Variants in DTHD1 observed in about 807,000 individuals in gnomAD.
The protein encoded by DTHD1 is death domain containing 1, also known as death domain-containing protein 1.
A neutral mutation model predicts 74.8 loss-of-function variants in DTHD1; 59 were observed. The observed-to-expected ratio is 0.79, with a 90% CI of 0.64 to 0.98. The LOEUF is 0.98. DTHD1 is among the 50% of genes least tolerant of loss of function. DTHD1 has a pLI of 0.00. For missense variants in DTHD1, 1,051 were observed against 1,065.4 expected (o/e 0.99, Z 0.19); for synonymous variants, 365 against 371.1 (o/e 0.98, Z 0.19).
intron 5 of DTHD1, among the ~76,000 whole-genome samples, chr4:36,297,820 C>T (rs1756525430): frequency 6.6e-6 from 1 of 152,116 alleles, no homozygotes; most frequent in African/African-American, 2.4e-5. Context: ...ATCAATTCCT[C>T]GAGTTCCCTA....
chr4:36,339,078 C>T, intron 8 of DTHD1, 34 bp from the exon 9 acceptor site: 1 of 1,502,816 alleles, frequency 6.7e-7, no homozygotes, highest in African/African-American at 1.4e-5. Context: ...TTAATTACTT[C>T]TTCTGTTTAT....
At chr4:36,320,888 AT>A (rs1485260319) in intron 8 of DTHD1, among the ~76,000 whole-genome samples, 2 of 152,224 alleles carry the variant, frequency 1.3e-5, no homozygotes, top group East Asian at 3.8e-4. Context: ...AGGTGAAGGT[AT>A]TTGTCAAAAT....
intron 7 of DTHD1, among the ~76,000 whole-genome samples, chr4:36,312,585 TA>T (rs56071138): frequency 0.59 from 85,979 of 144,770 alleles, 25,524 homozygotes; most frequent in African/African-American, 0.72. Context: ...AAGGTGACAT[TA>T]AAAAAAAAAA....
chr4:36,314,511 C>CA (rs35806275), intron 7 of DTHD1, among the ~76,000 whole-genome samples: 30,808 of 74,444 alleles, frequency 0.41, 4,940 homozygotes, highest in Non-Finnish European at 0.5. Flanking sequence ...CCCGTCTCTA[C>CA]AAAAAAAAAA....
chr4:36,328,306 C>G (rs1459955996), intron 8 of DTHD1, among the ~76,000 whole-genome samples: 1 of 152,220 alleles, frequency 6.6e-6, no homozygotes, highest in African/African-American at 2.4e-5. Context: ...CCAGACCTCT[C>G]TATGTGGAGG....
At chr4:36,328,419 G>A (rs1298073315) in intron 8 of DTHD1, among the ~76,000 whole-genome samples, 1 of 152,156 alleles carries the variant, frequency 6.6e-6, no homozygotes, top group Non-Finnish European at 1.5e-5. Flanking sequence ...GCAGATTATT[G>A]GTGGATGCTG....
intron 3 of DTHD1, among the ~76,000 whole-genome samples, chr4:36,293,277 G>T (rs1756189749): frequency 6.6e-6 from 1 of 151,816 alleles, no homozygotes; most frequent in South Asian, 2.1e-4. Context: ...TTTTGGGGAA[G>T]ATTTAATTTA....
At chr4:36,287,789 A>G (rs975039718) in intron 2 of DTHD1, among the ~76,000 whole-genome samples, 10 of 152,126 alleles carry the variant, frequency 6.6e-5, no homozygotes, top group Non-Finnish European at 1.2e-4. Flanking sequence ...TCTTCTTTTG[A>G]TAATTGTTTA....
chr4:36,318,620 T>TC (rs1194734117), intron 8 of DTHD1, among the ~76,000 whole-genome samples: 1 of 142,278 alleles, frequency 7.0e-6, no homozygotes, highest in Non-Finnish European at 1.5e-5. Flanking sequence ...TTCTTTTTTT[T>TC]TTTTTTTTTT....
chr4:36,309,824 A>G (rs1339383450), intron 7 of DTHD1, among the ~76,000 whole-genome samples: 1 of 152,208 alleles, frequency 6.6e-6, no homozygotes, highest in Non-Finnish European at 1.5e-5. Flanking sequence ...AATGTTTGAT[A>G]GATTTATATC....
At chr4:36,283,135 G>C (rs1436600714) in intron 1 of DTHD1, among the ~76,000 whole-genome samples, 1 of 152,148 alleles carries the variant, frequency 6.6e-6, no homozygotes, top group Non-Finnish European at 1.5e-5. Context: ...CTTTAGTTCA[G>C]AACTGAATTC....
At chr4:36,306,741 T>C (rs964334083) in intron 6 of DTHD1, among the ~76,000 whole-genome samples, 1 of 152,374 alleles carries the variant, frequency 6.6e-6, no homozygotes, top group East Asian at 1.9e-4. Context: ...TTCCATGTTT[T>C]CTAGACAGCC....
chr4:36,290,312 T>C, intron 2 of DTHD1, 61 bp from the exon 3 acceptor site: 1 of 1,437,464 alleles, frequency 7.0e-7, no homozygotes, highest in Non-Finnish European at 9.3e-7. Flanking sequence ...CTTTTCTGCA[T>C]TTAGCTGTAA....
intron 8 of DTHD1, among the ~76,000 whole-genome samples, chr4:36,329,256 T>C (rs1758529971): frequency 1.3e-5 from 2 of 152,232 alleles, no homozygotes; most frequent in Non-Finnish European, 2.9e-5. Context: ...AGCTTTGGAA[T>C]AGAACTTCTG....
intron 1 of DTHD1, among the ~76,000 whole-genome samples, chr4:36,282,753 G>C (rs1755472964): frequency 6.6e-6 from 1 of 152,152 alleles, no homozygotes; most frequent in African/African-American, 2.4e-5. Context: ...CATCTATGAG[G>C]AAATCCAGGG....
rs536122571 is a variant in DTHD1 at position 36,288,961 on chromosome 4, A to T, written c.888-1412A>T. On this transcript the variant is annotated intron_variant, in intron 2 of 9. Coordinates refer to ENST00000639862, the MANE Select transcript of DTHD1 (RefSeq NM_001170700.3). ...TCACCAAAGAATACTCAAGCAGAAC[A>T]ATGTGCTGAGTCACTTTCTATTCCT... 7.9e-5 allele frequency among the ~76,000 whole-genome samples: 12 copies of T among 152,348 alleles called. No individual in the cohort carries two copies. In the East Asian group the frequency reaches 2.3e-3, roughly 29 times the overall value.
chr4:36,325,035 C>T (rs1758261784), intron 8 of DTHD1, among the ~76,000 whole-genome samples: 1 of 151,976 alleles, frequency 6.6e-6, no homozygotes, highest in Non-Finnish European at 1.5e-5. Flanking sequence ...AAGACGTGTT[C>T]CGAGAAAGGA....
Position 36,345,474 on chromosome 4 carries a change from AT to A in DTHD1, c.*1652del, listed in dbSNP as rs1759540816. ...GGAATTAATTGAGTTATATTACAAA[AT>A]TAAATGTTTTAATCTCTTTCAAATT... On this transcript the variant is annotated 3_prime_UTR_variant, in exon 10 of 10. Transcript: ENST00000639862. 2.0e-5 allele frequency: 3 copies of A among 152,226 alleles called. No homozygotes were observed. In the South Asian group the frequency reaches 6.2e-4, roughly 31 times the overall value. 9.4% of individuals were successfully genotyped at this position (152,226 alleles called of 1,614,324 possible). A position where few individuals can be genotyped will look rare whatever the true frequency, so the allele number is the denominator to read the frequency against.
At chr4:36,322,967 A>G (rs1212132102) in intron 8 of DTHD1, among the ~76,000 whole-genome samples, 1 of 152,194 alleles carries the variant, frequency 6.6e-6, no homozygotes, top group Non-Finnish European at 1.5e-5. Context: ...AGGTGACTAT[A>G]TGCCATTTGC....
Sources: gnomAD v4.1 joint callset for allele counts (sites outside exome capture counted in the v4.1 genomes callset) on GRCh38, gnomAD v4.1.1 for gene constraint, MANE v1.5 for transcripts, NCBI Gene and HGNC (gene_info 2026-07-23, HGNC 2026-07-21) for gene names.